Variants in AP1AR observed in about 807,000 individuals in gnomAD.
AP1AR encodes the protein AP-1 complex-associated regulatory protein.
In AP1AR, 29 loss-of-function variants were observed where a neutral mutation model predicts 46.3. The observed-to-expected ratio is 0.63, with a 90% confidence interval of 0.47 to 0.85. AP1AR has a LOEUF of 0.85. Among genes scored for constraint, AP1AR ranks in the 40% least tolerant of loss-of-function variants. The pLI is 0.00. For missense variants in AP1AR, 357 were observed against 356.3 expected, an observed-to-expected ratio of 1.00 and a Z score of -0.02; for synonymous variants, 122 against 122.9, an observed-to-expected ratio of 0.99 and a Z score of 0.05.
intron 8 of AP1AR, among the ~76,000 whole-genome samples, chr4:112,266,233 G>A (rs1004630675): frequency 2.0e-5 from 3 of 151,614 alleles, no homozygotes; most frequent in African/African-American, 4.8e-5. Flanking sequence ...GTATGGTAGT[G>A]GTTCCTTTTG....
chr4:112,256,888 G>A lies in AP1AR; in HGVS notation c.160-884G>A, dbSNP rs552335943. On this transcript the variant is annotated intron_variant, in intron 3 of 9. Transcript: ENST00000274000. Reference sequence around the variant, plus strand: ...TACTGCAGGGGAAATACAAGGTTAGGTTCCTGCAAGCCTCTGATCACAATA... The same window carrying A: ...TACTGCAGGGGAAATACAAGGTTAGATTCCTGCAAGCCTCTGATCACAATA... Among the ~76,000 whole-genome samples the A allele has an allele frequency of 7.2e-5, 11 of 152,320 alleles. 1 individual carries two copies. In the South Asian group the frequency reaches 1.0e-3, roughly 14 times the overall value.
intron 1 of AP1AR, among the ~76,000 whole-genome samples, chr4:112,251,445 C>T (rs1466527871): frequency 6.6e-6 from 1 of 152,226 alleles, no homozygotes; most frequent in African/African-American, 2.4e-5. Context: ...TTGGTTTCGA[C>T]AATGTTCTAC....
intron 1 of AP1AR, among the ~76,000 whole-genome samples, chr4:112,235,157 C>G (rs1253322935): frequency 6.6e-6 from 1 of 152,196 alleles, no homozygotes; most frequent in Non-Finnish European, 1.5e-5. Flanking sequence ...CCTAATGAGT[C>G]ATACTTCTTC....
chr4:112,257,858 A>G, intron 4 of AP1AR, 61 bp downstream of exon 4: 1 of 1,404,904 alleles, frequency 7.1e-7, no homozygotes, highest in Non-Finnish European at 9.6e-7. Context: ...AAACTCTCTT[A>G]AGAAGTCAGG....
In AP1AR at chr4:112,257,810, TA is replaced by T. The variant is rs369515291; in HGVS notation, c.185+25del. 23,853 of 1,150,840 alleles carry T rather than the reference TA, an allele frequency of 0.021. 4 individuals are homozygous for T. Among genetic ancestry groups the T allele is most frequent in the South Asian group, 0.031 (1,823 of 58,806 alleles). The allele number at this position is 1,150,840 out of a possible 1,614,324, so 71.3% of individuals were successfully genotyped here. A position where few individuals can be genotyped will look rare whatever the true frequency, so the allele number is the denominator to read the frequency against. On this transcript the variant is annotated intron_variant, in intron 4 of 9. Transcript: ENST00000274000. ...GAAGCAGTCATAGGTAAGGCTTTGT[TA>T]AAAAAAAAAAACAAAACTTCTATGC...
intron 1 of AP1AR, among the ~76,000 whole-genome samples, chr4:112,244,131 G>GT (rs1359071412): frequency 6.6e-6 from 1 of 152,134 alleles, no homozygotes; most frequent in Non-Finnish European, 1.5e-5. Flanking sequence ...CTAGAACAAC[G>GT]TTTTTAAAGA....
chr4:112,239,536 T>A (rs1725391308), intron 1 of AP1AR, among the ~76,000 whole-genome samples: 1 of 152,214 alleles, frequency 6.6e-6, no homozygotes, highest in Non-Finnish European at 1.5e-5. Flanking sequence ...ACCTAGGGGT[T>A]GTCTTTGACA....
At chr4:112,267,651 G>C (rs529140597) in intron 9 of AP1AR, among the ~76,000 whole-genome samples, 1 of 151,826 alleles carries the variant, frequency 6.6e-6, no homozygotes, top group Non-Finnish European at 1.5e-5. Flanking sequence ...TGATAGTACT[G>C]TACTCCATAG....
intron 3 of AP1AR, among the ~76,000 whole-genome samples, chr4:112,255,050 T>G (rs1726125132): frequency 6.6e-6 from 1 of 151,718 alleles, no homozygotes; most frequent in African/African-American, 2.4e-5. Flanking sequence ...AAGCTCCGCC[T>G]CCCGGGTCAC....
At chr4:112,267,340 C>A (rs760235348) in intron 9 of AP1AR, among the ~76,000 whole-genome samples, 19 of 151,914 alleles carry the variant, frequency 1.3e-4, no homozygotes, top group Admixed American at 4.6e-4. Context: ...CTTACAGATT[C>A]AAATTTCTTT....
intron 1 of AP1AR, among the ~76,000 whole-genome samples, chr4:112,237,704 A>G (rs1486584491): frequency 2.0e-5 from 3 of 150,066 alleles, no homozygotes; most frequent in Non-Finnish European, 3.0e-5. Flanking sequence ...AGTGATCTGC[A>G]TACCTCAGCC....
intron 6 of AP1AR, 69 bp from the exon 7 acceptor site, chr4:112,264,940 G>T: frequency 1.7e-6 from 2 of 1,193,098 alleles, no homozygotes; most frequent in South Asian, 1.6e-5. Flanking sequence ...TTTTGGTGTT[G>T]CATGAGTGGT....
At chr4:112,253,283 TA>T in intron 2 of AP1AR, 27 bp downstream of exon 2, 1 of 1,581,556 alleles carries the variant, frequency 6.3e-7, no homozygotes, top group Non-Finnish European at 8.7e-7. Flanking sequence ...TTGATTGAAT[TA>T]AAAATGCCTT....
intron 1 of AP1AR, among the ~76,000 whole-genome samples, chr4:112,250,102 C>T (rs749802145): frequency 3.3e-5 from 5 of 152,180 alleles, no homozygotes; most frequent in Non-Finnish European, 7.4e-5. Flanking sequence ...TAGTTGAGTA[C>T]TTCCATTCCT....
chr4:112,252,880 A>G (rs1019314286), intron 1 of AP1AR, among the ~76,000 whole-genome samples: 24 of 152,338 alleles, frequency 1.6e-4, no homozygotes, highest in African/African-American at 4.6e-4. Context: ...TTAACGAGGT[A>G]CTTTTCTTGA....
At chr4:112,266,566 T>C in intron 8 of AP1AR, 22 bp from the exon 9 acceptor site, 1 of 1,604,912 alleles carries the variant, frequency 6.2e-7, no homozygotes, top group East Asian at 2.2e-5. Flanking sequence ...GAGTATTCAA[T>C]TGTATTTCGT....
rs141360156 is a variant in AP1AR at position 112,266,625 on chromosome 4, A to G, written c.552A>G (p.Thr184=). ...ATGCTACAGTTTTGACACCAAATAC[A>G]GAAAGCAGTTGTGATTTAATGACCA... ...SSDATVLTPN[T]ESSCDLMTKT... is the part of the protein sequence containing the mutation. The change falls in exon 9 of 10, where the codon ACA becomes ACG. Residue 184 remains threonine, a synonymous_variant. Transcript: ENST00000274000. 251 of 1,611,022 alleles carry G rather than the reference A, an allele frequency of 1.6e-4. No individual in the cohort carries two copies. The highest frequency in any genetic ancestry group is 2.0e-4 in the Non-Finnish European group (239 of 1,177,928).
chr4:112,251,559 T>A (rs1198638924), intron 1 of AP1AR, among the ~76,000 whole-genome samples: 1 of 152,178 alleles, frequency 6.6e-6, no homozygotes, highest in Non-Finnish European at 1.5e-5. Context: ...CTCACTAACC[T>A]GGAGGAGGAA....
chr4:112,268,436 A>G lies in AP1AR; in HGVS notation c.*27A>G. The G allele has an allele frequency of 6.5e-7, 1 of 1,538,386 alleles. No individual in the cohort carries two copies. Among genetic ancestry groups the G allele is most frequent in the Admixed American group, 2.1e-5 (1 of 48,584 alleles). ...GTAAAATTGTGTGACCTTGTTTATCAGTTATGACCAAATGTTAAAAACCAA... is the reference window on the plus strand; with the variant it reads ...GTAAAATTGTGTGACCTTGTTTATCGGTTATGACCAAATGTTAAAAACCAA... On this transcript the variant is annotated 3_prime_UTR_variant, in exon 10 of 10. Transcript: ENST00000274000.
Sources: gnomAD v4.1 joint callset for allele counts (sites outside exome capture counted in the v4.1 genomes callset) on GRCh38, gnomAD v4.1.1 for gene constraint, MANE v1.5 for transcripts, NCBI Gene and HGNC (gene_info 2026-07-23, HGNC 2026-07-21) for gene names.